Variants in CDK7 observed in about 807,000 individuals in gnomAD.
CDK7 encodes cyclin dependent kinase 7.
A neutral mutation model predicts 49.1 loss-of-function variants in CDK7; 25 were observed. The observed-to-expected ratio is 0.51, with a 90% confidence interval of 0.37 to 0.71. The LOEUF (loss-of-function observed/expected upper bound fraction) is 0.71, where lower values mean the gene tolerates loss of function less well. CDK7 is among the 30% of genes least tolerant of loss of function. The pLI is 0.00. For synonymous variants in CDK7, 107 were observed against 140.0 expected, an observed-to-expected ratio of 0.76 and a Z score of 1.67; for missense variants, 316 against 411.7, an observed-to-expected ratio of 0.77 and a Z score of 2.01.
chr5:69,272,997 G>C lies in CDK7; in HGVS notation c.820G>C (p.Gly274Arg), dbSNP rs373688242. ...AGDDLLDLIQGLFLFNPCARI... is the reference protein window; with the variant it reads ...AGDDLLDLIQRLFLFNPCARI... ...AGACGACTTACTAGATCTCATACAAGGCTTATTCTTATTTAATCCATGTGC... is the reference window on the plus strand; with the variant it reads ...AGACGACTTACTAGATCTCATACAACGCTTATTCTTATTTAATCCATGTGC... Residue 274 changes from glycine (G) to arginine (R), a missense_variant, in exon 10 of 12, where the codon GGC becomes CGC. Gly to Arg is a moderately radical substitution (Grantham distance 125). Coordinates refer to ENST00000256443, the MANE Select transcript of CDK7 (RefSeq NM_001799.4). 2 of 1,585,874 alleles carry C rather than the reference G, an allele frequency of 1.3e-6. No individual in the cohort carries two copies. The highest frequency in any genetic ancestry group is 2.7e-5 in the African/African-American group (2 of 73,426).
chr5:69,241,353 C>T (rs1749372259), intron 2 of CDK7, among the ~76,000 whole-genome samples: 1 of 124,656 alleles, frequency 8.0e-6, no homozygotes, highest in Admixed American at 1.0e-4. Context: ...CGGAGTCTTG[C>T]TCTGTCACCC....
At chr5:69,250,338 GA>G (rs763452256) in intron 2 of CDK7, among the ~76,000 whole-genome samples, 9 of 152,228 alleles carry the variant, frequency 5.9e-5, no homozygotes, top group Non-Finnish European at 1.3e-4. Flanking sequence ...TAGACTTATA[GA>G]GGTACCATCT....
chr5:69,261,317 T>C (rs1750796692), intron 7 of CDK7, among the ~76,000 whole-genome samples: 1 of 152,214 alleles, frequency 6.6e-6, no homozygotes, highest in East Asian at 1.9e-4. Flanking sequence ...CTTTCTCATC[T>C]ACCAGTTTCT....
rs35194899 is a variant in CDK7 at position 69,244,636 on chromosome 5, C to CAA, written c.127-7762_127-7761dup. Among the ~76,000 whole-genome samples, 152 of 94,850 alleles carry CAA rather than the reference C, an allele frequency of 1.6e-3. 1 individual carries two copies. Among genetic ancestry groups the CAA allele is most frequent in the Admixed American group, 0.012 (104 of 8,502 alleles). 62.2% of individuals were successfully genotyped at this position (94,850 alleles called of 152,430 possible). Reference sequence around the variant, plus strand: ...GGGCAACAAGAGCAAAACTCCGTCTCAAAAAAAAAAAAAAAAAAAAAGATC... The same window carrying CAA: ...GGGCAACAAGAGCAAAACTCCGTCTCAAAAAAAAAAAAAAAAAAAAAAAGATC... On this transcript the variant is annotated intron_variant, in intron 2 of 11. Transcript: ENST00000256443.
intron 7 of CDK7, 121 bp downstream of exon 7, chr5:69,260,057 A>G (rs1750718123): frequency 8.7e-6 from 6 of 690,694 alleles, no homozygotes; most frequent in East Asian, 2.7e-5. Context: ...CTTAAAAAAT[A>G]CTGCCATTTG....
At chr5:69,255,893 G>A (rs1193697030) in intron 5 of CDK7, 1 of 202,628 alleles carries the variant, frequency 4.9e-6, no homozygotes, top group Non-Finnish European at 1.0e-5. Context: ...GCGTGATCTC[G>A]GCTCTCTGCA....
At chr5:69,262,376 T>G (rs1302168626) in intron 8 of CDK7, 72 bp downstream of exon 8, 1 of 1,604,758 alleles carries the variant, frequency 6.2e-7, no homozygotes, top group African/African-American at 1.3e-5. Flanking sequence ...TGTATAAGAA[T>G]TCTTGTCCTA....
At chr5:69,239,549 G>C (rs768812769) in intron 2 of CDK7, among the ~76,000 whole-genome samples, 26 of 152,064 alleles carry the variant, frequency 1.7e-4, no homozygotes, top group African/African-American at 3.6e-4. Context: ...GGGATTACAG[G>C]TGTGAACCAC....
rs150549884 is a variant in CDK7 at position 69,259,862 on chromosome 5, A to C, written c.453A>C (p.Leu151=). 17 of 1,614,118 alleles carry C rather than the reference A, an allele frequency of 1.1e-5. No individual in the cohort carries two copies. In the African/African-American group the frequency reaches 2.3e-4, roughly 22 times the overall value. Residue 151 remains leucine, a synonymous_variant, in exon 7 of 12, where the codon CTA becomes CTC. Coordinates refer to ENST00000256443, the MANE Select transcript of CDK7 (RefSeq NM_001799.4). ...TGTTGCTAGATGAAAATGGAGTTCT[A>C]AAACTGGCAGATTTTGGCCTGGCCA... ...NNLLLDENGV[L]KLADFGLAKS...
At chr5:69,275,554 C>T (rs1013666071) in intron 10 of CDK7, among the ~76,000 whole-genome samples, 2 of 152,086 alleles carry the variant, frequency 1.3e-5, no homozygotes, top group African/African-American at 4.8e-5. Context: ...CTGAAATGCT[C>T]CAAAATCCAA....
At chr5:69,242,614 A>G (rs1192234595) in intron 2 of CDK7, among the ~76,000 whole-genome samples, 1 of 152,218 alleles carries the variant, frequency 6.6e-6, no homozygotes, top group Middle Eastern at 3.2e-3. Flanking sequence ...AGATGCTTTT[A>G]GTCTCTGAGC....
intron 8 of CDK7, among the ~76,000 whole-genome samples, chr5:69,264,436 G>A (rs1186444122): frequency 1.3e-5 from 2 of 152,104 alleles, no homozygotes; most frequent in Non-Finnish European, 2.9e-5. Flanking sequence ...TCCCAGCTAC[G>A]TGCGAGGCTG....
In CDK7 at chr5:69,265,985, G is replaced by C. The variant is rs1751131647; in HGVS notation, c.628-3222G>C. Among the ~76,000 whole-genome samples, 4 of 152,138 alleles carry C rather than the reference G, an allele frequency of 2.6e-5. No homozygotes were observed. The South Asian group carries it at 8.3e-4, about 32-fold the overall frequency. Reference sequence around the variant, plus strand: ...TGCCTGTAGTCCCAGCTGCTTGGGAGGCTGAAGTGGGAGGATTGCTTGAGC... The same window carrying C: ...TGCCTGTAGTCCCAGCTGCTTGGGACGCTGAAGTGGGAGGATTGCTTGAGC... On this transcript the variant is annotated intron_variant, in intron 8 of 11. Transcript: ENST00000256443.
chr5:69,234,882 C>A, upstream of CDK7: 1 of 1,240,610 alleles, frequency 8.1e-7, no homozygotes, highest in Non-Finnish European at 1.1e-6. Context: ...GCCCGGTGGA[C>A]GGAAGTGGGT....
At chr5:69,240,998 C>T (rs749244727) in intron 2 of CDK7, among the ~76,000 whole-genome samples, 10 of 152,090 alleles carry the variant, frequency 6.6e-5, no homozygotes, top group African/African-American at 7.2e-5. Flanking sequence ...TGTTGACAGA[C>T]GCATAGATTG....
At position 69,272,365 on chromosome 5, in the gene CDK7, T is replaced by C. The variant is rs375321348; in HGVS notation, c.715-527T>C. ...TCTTTTTCAAAATCATTTTAGCTACTGTAGTCCTTTGCCTTTCCATATAAA... is the reference window on the plus strand; with the variant it reads ...TCTTTTTCAAAATCATTTTAGCTACCGTAGTCCTTTGCCTTTCCATATAAA... On this transcript the variant is annotated intron_variant, in intron 9 of 11. Coordinates refer to ENST00000256443, the MANE Select transcript of CDK7 (RefSeq NM_001799.4). Among the ~76,000 whole-genome samples, 3 of 152,316 alleles carry C rather than the reference T, an allele frequency of 2.0e-5. No homozygotes were observed. In the East Asian group the frequency reaches 5.8e-4, roughly 29 times the overall value.
rs6876595 is a variant in CDK7 at position 69,276,324 on chromosome 5, C to T, written c.865-219C>T. Among the ~76,000 whole-genome samples the T allele has an allele frequency of 7.7e-3, 1,176 of 152,222 alleles. 16 individuals are homozygous for T. Among genetic ancestry groups the T allele is most frequent in the African/African-American group, 0.026 (1,094 of 41,524 alleles). ...GATTACAGGCATGAGCTACTGTGCC[C>T]GGCCAGTCTTTTAATGGAATTATCA... On this transcript the variant is annotated intron_variant, in intron 10 of 11. Coordinates refer to ENST00000256443, the MANE Select transcript of CDK7 (RefSeq NM_001799.4).
chr5:69,272,816 C>T, intron 9 of CDK7, 76 bp from the exon 10 acceptor site: 2 of 885,590 alleles, frequency 2.3e-6, no homozygotes, highest in Non-Finnish European at 3.2e-6. Flanking sequence ...CATCATATCA[C>T]CTGAAAATGA....
intron 9 of CDK7, 95 bp downstream of exon 9, chr5:69,269,388 A>G (rs189610290): frequency 6.8e-4 from 508 of 751,502 alleles, no homozygotes; most frequent in Admixed American, 9.4e-4. Flanking sequence ...CGTGAATATT[A>G]AAGACATTCA....
Sources: gnomAD v4.1 joint callset for allele counts (sites outside exome capture counted in the v4.1 genomes callset) on GRCh38, gnomAD v4.1.1 for gene constraint, MANE v1.5 for transcripts, NCBI Gene and HGNC (gene_info 2026-07-23, HGNC 2026-07-21) for gene names.